Variants in BRINP1 observed in about 807,000 individuals in gnomAD.
BRINP1 encodes BMP/retinoic acid inducible neural specific 1.
A neutral mutation model predicts 72.9 loss-of-function variants in BRINP1; 17 were observed. That is an observed-to-expected ratio of 0.23 (90% confidence interval 0.16 to 0.35). The LOEUF (loss-of-function observed/expected upper bound fraction) is 0.35. Among genes scored for constraint, BRINP1 ranks in the 10% least tolerant of loss-of-function variants. BRINP1 has a pLI of 1.00. For synonymous variants in BRINP1, 418 were observed against 378.5 expected (o/e 1.10, Z -1.21); for missense variants, 850 against 1,001.6 (o/e 0.85, Z 2.04).
chr9:119,193,674 A>G, intron 7 of BRINP1, among the ~76,000 whole-genome samples: 1 of 152,228 alleles, frequency 6.6e-6, no homozygotes. Context: ...AAATACACAC[A>G]ATACAATTTG....
chr9:119,168,666 C>T (rs969743211), intron 7 of BRINP1, among the ~76,000 whole-genome samples: 90 of 117,606 alleles, frequency 7.7e-4, no homozygotes, highest in African/African-American at 2.2e-3. Flanking sequence ...CATGTTTCAA[C>T]CCCCATTACA....
chr9:119,250,811 C>G (rs1588177954), intron 2 of BRINP1, among the ~76,000 whole-genome samples: 2 of 152,088 alleles, frequency 1.3e-5, no homozygotes, highest in Non-Finnish European at 2.9e-5. Flanking sequence ...TGCTCTCGGT[C>G]CCTTGAGGAA....
At chr9:119,288,255 A>AATTC (rs1289909954) in intron 2 of BRINP1, among the ~76,000 whole-genome samples, 2 of 152,230 alleles carry the variant, frequency 1.3e-5, no homozygotes, top group Non-Finnish European at 2.9e-5. Context: ...TTCTGTAAAT[A>AATTC]ATTCACTGTG....
Position 119,307,142 on chromosome 9 carries a change from G to A in BRINP1, c.218+5996C>T, listed in dbSNP as rs551306244. On this transcript the variant is annotated intron_variant, in intron 2 of 7. Coordinates refer to ENST00000265922, the MANE Select transcript of BRINP1 (RefSeq NM_014618.3). The stretch of plus-strand genomic sequence containing the variant: ...TCCCAGATCCCTGCTTGCTACCCAC[G>A]AGATGCCAGAAGCACCCCCAACAAA... Among the ~76,000 whole-genome samples the A allele has an allele frequency of 2.7e-5, 4 of 150,408 alleles. No individual in the cohort carries two copies. The South Asian group carries it at 6.4e-4, about 24-fold the overall frequency.
At chr9:119,317,998 A>C (rs1271317922) in intron 1 of BRINP1, among the ~76,000 whole-genome samples, 1 of 152,248 alleles carries the variant, frequency 6.6e-6, no homozygotes, top group African/African-American at 2.4e-5. Flanking sequence ...GGGGTGATTC[A>C]ATTTATTGCA....
At chr9:119,221,880 A>AAAGGTG (rs1165431499) in intron 5 of BRINP1, among the ~76,000 whole-genome samples, 1 of 152,118 alleles carries the variant, frequency 6.6e-6, no homozygotes, top group Admixed American at 6.5e-5. Flanking sequence ...GCAGAGTTTG[A>AAAGGTG]AAGGTGACAT....
intron 7 of BRINP1, among the ~76,000 whole-genome samples, chr9:119,204,329 T>C (rs1164537331): frequency 6.6e-6 from 1 of 152,180 alleles, no homozygotes. Flanking sequence ...TTTACACCAA[T>C]AGAGAGCCAA....
intron 1 of BRINP1, among the ~76,000 whole-genome samples, chr9:119,367,823 T>C (rs973831709): frequency 6.6e-6 from 1 of 151,222 alleles, no homozygotes; most frequent in Admixed American, 6.6e-5. Flanking sequence ...ACACTCTCTC[T>C]CTCTGTCTCC....
At chr9:119,319,930 C>T (rs935184247) in intron 1 of BRINP1, among the ~76,000 whole-genome samples, 2 of 152,160 alleles carry the variant, frequency 1.3e-5, no homozygotes, top group African/African-American at 4.8e-5. Context: ...GAGTCACACC[C>T]AAGTGTGAAC....
chr9:119,252,553 CGTGTGT>C (rs149734478), intron 2 of BRINP1, among the ~76,000 whole-genome samples: 2 of 145,628 alleles, frequency 1.4e-5, no homozygotes, highest in Non-Finnish European at 3.1e-5. Context: ...TATAGTCATA[CGTGTGT>C]GTGTGTGTGT....
chr9:119,167,570 C>G lies in BRINP1; in HGVS notation c.1800G>C (p.Trp600Cys). 6.2e-7 allele frequency: 1 copy of G among 1,614,168 alleles called. No individual in the cohort carries two copies. The highest frequency in any genetic ancestry group is 8.5e-7 in the Non-Finnish European group (1 of 1,180,026). The stretch of plus-strand genomic sequence containing the variant: ...TCCACCGATTGCCCAGCAAAAGAGT[C>G]CAGTTGTAGCACTGGCTGTTTTGGA... ...IRLQNSQCYN[W>C]TLLLGNRWKT... is the part of the protein sequence containing the mutation. The change falls in exon 8 of 8, where the codon TGG becomes TGC. Residue 600 changes from tryptophan (W) to cysteine (C), a missense_variant. Transcript: ENST00000265922. The surrounding 1 kb of genome is among the most constrained non-coding windows in gnomAD (Gnocchi z 4.3).
chr9:119,228,373 A>T (rs931155933), intron 5 of BRINP1, among the ~76,000 whole-genome samples: 2 of 152,030 alleles, frequency 1.3e-5, no homozygotes, highest in Non-Finnish European at 2.9e-5. Flanking sequence ...AATATTACGA[A>T]ATGTAAAATT....
chr9:119,313,345 C>T lies in BRINP1; in HGVS notation c.11G>A (p.Arg4Lys). 1.9e-6 allele frequency: 3 copies of T among 1,613,776 alleles called. No individual in the cohort carries two copies. The highest frequency in any genetic ancestry group is 1.1e-5 in the South Asian group (1 of 91,070). Residue 4 changes from arginine (R) to lysine (K), a missense_variant, in exon 2 of 8, where the codon AGG becomes AAG. Coordinates refer to ENST00000265922, the MANE Select transcript of BRINP1 (RefSeq NM_014618.3). MNW[R>K]FVELLYFLFI... ...CAGGAAGTAGAGGAGCTCAACAAAC[C>T]TCCAGTTCATGCTTTTCTGCCGGCC...
At chr9:119,332,299 A>T (rs1440867326) in intron 1 of BRINP1, among the ~76,000 whole-genome samples, 1 of 152,204 alleles carries the variant, frequency 6.6e-6, no homozygotes. Flanking sequence ...ACAAAAAAAA[A>T]TTGTAAACAC....
chr9:119,340,918 G>C (rs992146153), intron 1 of BRINP1, among the ~76,000 whole-genome samples: 2 of 152,136 alleles, frequency 1.3e-5, no homozygotes, highest in Non-Finnish European at 2.9e-5. Context: ...AAAAGGATAA[G>C]AATGAAAAGG....
intron 7 of BRINP1, among the ~76,000 whole-genome samples, chr9:119,192,933 C>G (rs144301442): frequency 6.6e-6 from 1 of 152,000 alleles, no homozygotes; most frequent in Non-Finnish European, 1.5e-5. Flanking sequence ...CTCAACCCCC[C>G]AAAAATACCA....
At position 119,167,425 on chromosome 9, in the gene BRINP1, A is replaced by G; in HGVS notation, c.1945T>C (p.Tyr649His). ...DLSDPSKRQF[Y>H]IKISDVQVFG... ...ACCTGCACGTCTGAGATCTTGATGT[A>G]GAACTGCCTCTTGGAGGGATCCGAC... The change falls in exon 8 of 8, where the codon TAC becomes CAC. Residue 649 changes from tyrosine to histidine, a missense_variant. Physicochemically the swap from Tyr to His is moderately conservative, Grantham distance 83 (BLOSUM62 2). Transcript: ENST00000265922. This position sits in a 1 kb window ranked among gnomAD's most constrained non-coding sequence, Gnocchi z 4.3. 1 of 1,614,036 alleles carries G rather than the reference A, an allele frequency of 6.2e-7. No homozygotes were observed. Among genetic ancestry groups the G allele is most frequent in the Non-Finnish European group, 8.5e-7 (1 of 1,179,960 alleles).
intron 1 of BRINP1, among the ~76,000 whole-genome samples, chr9:119,358,788 A>G (rs1831599606): frequency 6.6e-6 from 1 of 152,184 alleles, no homozygotes; most frequent in Admixed American, 6.5e-5. Flanking sequence ...CTATGTCTAT[A>G]TCTGGTCTTT....
intron 7 of BRINP1, among the ~76,000 whole-genome samples, chr9:119,186,439 T>A (rs962697501): frequency 7.9e-5 from 12 of 152,174 alleles, no homozygotes; most frequent in African/African-American, 2.2e-4. Flanking sequence ...CATGACCGCA[T>A]GCCTAAGCCC....
Sources: allele counts gnomAD v4.1 joint callset (sites outside exome capture counted in the v4.1 genomes callset), GRCh38; gene constraint gnomAD v4.1.1; non-coding constraint Gnocchi (gnomAD v3.1); transcripts MANE v1.5; gene names NCBI Gene and HGNC (gene_info 2026-07-23, HGNC 2026-07-21).